The following NALF1 variants were observed in gnomAD, a reference collection of about 807,000 sequenced individuals.
NALF1 encodes the protein NALCN channel auxiliary factor 1, also known as family with sequence similarity 155 member A.
A neutral mutation model predicts 48.4 loss-of-function variants in NALF1; 3 were observed. That is an observed-to-expected ratio of 0.06 (90% CI 0.03 to 0.16). The LOEUF (loss-of-function observed/expected upper bound fraction) is 0.16, where lower values mean the gene tolerates loss of function less well. Among genes scored for constraint, NALF1 ranks in the 10% least tolerant of loss-of-function variants. The pLI is 1.00. For missense variants in NALF1, 526 were observed against 571.5 expected, an observed-to-expected ratio of 0.92 and a Z score of 0.81; for synonymous variants, 262 against 245.7, an observed-to-expected ratio of 1.07 and a Z score of -0.62.
chr13:107,242,747 G>A (rs899790243), intron 1 of NALF1, among the ~76,000 whole-genome samples: 4 of 152,046 alleles, frequency 2.6e-5, no homozygotes, highest in African/African-American at 4.8e-5. Flanking sequence ...CTCTTTAGGT[G>A]AGAGACAAGT....
intron 1 of NALF1, among the ~76,000 whole-genome samples, chr13:107,223,819 C>A (rs1880043338): frequency 6.6e-6 from 1 of 152,148 alleles, no homozygotes; most frequent in Non-Finnish European, 1.5e-5. Context: ...ACACACTCTG[C>A]AAGTCTTTGA....
chr13:107,679,611 G>A (rs1186172385), intron 1 of NALF1, among the ~76,000 whole-genome samples: 1 of 152,176 alleles, frequency 6.6e-6, no homozygotes, highest in East Asian at 1.9e-4. Flanking sequence ...GACCTCCTCA[G>A]CGCCCCCCAC....
chr13:107,207,379 G>C (rs1410370699), intron 2 of NALF1, among the ~76,000 whole-genome samples: 1 of 152,176 alleles, frequency 6.6e-6, no homozygotes, highest in African/African-American at 2.4e-5. Context: ...AAAAATCCGT[G>C]TACATTTGTA....
intron 1 of NALF1, among the ~76,000 whole-genome samples, chr13:107,497,594 C>CA (rs1240815899): frequency 6.6e-6 from 1 of 152,154 alleles, no homozygotes; most frequent in African/African-American, 2.4e-5. Flanking sequence ...GATCCACATC[C>CA]AATGCTATTC....
chr13:107,801,261 G>A (rs1044026596), intron 1 of NALF1, among the ~76,000 whole-genome samples: 2 of 152,152 alleles, frequency 1.3e-5, no homozygotes, highest in Non-Finnish European at 2.9e-5. Flanking sequence ...TTAGAACACT[G>A]TCTCATAGCT....
chr13:107,758,525 T>A (rs1007630421), intron 1 of NALF1, among the ~76,000 whole-genome samples: 3 of 151,920 alleles, frequency 2.0e-5, no homozygotes, highest in African/African-American at 7.3e-5. Context: ...ATAGAGACCA[T>A]CCTGGCTAAC....
intron 2 of NALF1, 94 bp downstream of exon 2, chr13:107,210,490 A>T: frequency 1.1e-6 from 1 of 881,126 alleles, no homozygotes; most frequent in Non-Finnish European, 1.9e-6. Flanking sequence ...CTTCAAGGTT[A>T]TATCAGTGAA....
chr13:107,822,371 C>CT (rs1199599216), intron 1 of NALF1, among the ~76,000 whole-genome samples: 2 of 151,674 alleles, frequency 1.3e-5, no homozygotes, highest in Non-Finnish European at 2.9e-5. Flanking sequence ...AGAAAACCAC[C>CT]TTTTCCACTA....
intron 1 of NALF1, among the ~76,000 whole-genome samples, chr13:107,297,539 T>A (rs1881748574): frequency 6.6e-6 from 1 of 152,106 alleles, no homozygotes; most frequent in Non-Finnish European, 1.5e-5. Flanking sequence ...AGACAGCCAG[T>A]TTCCCAAAGG....
chr13:107,756,022 C>G (rs1328064088), intron 1 of NALF1, among the ~76,000 whole-genome samples: 1 of 152,174 alleles, frequency 6.6e-6, no homozygotes, highest in Non-Finnish European at 1.5e-5. Context: ...TTCACAGTAT[C>G]TAATGAGGTC....
intron 1 of NALF1, among the ~76,000 whole-genome samples, chr13:107,322,313 T>C (rs1882272952): frequency 6.6e-6 from 1 of 152,150 alleles, no homozygotes; most frequent in South Asian, 2.1e-4. Flanking sequence ...CTGGTTAATA[T>C]ACCTTGTCAG....
chr13:107,763,371 G>C (rs960747493), intron 1 of NALF1, among the ~76,000 whole-genome samples: 1 of 148,850 alleles, frequency 6.7e-6, no homozygotes, highest in Non-Finnish European at 1.5e-5. Flanking sequence ...AAAATATTTA[G>C]TTGTCCTGTT....
At position 107,760,674 on chromosome 13, in the gene NALF1, C is replaced by T. The variant is rs113089294; in HGVS notation, c.915+105008G>A. On this transcript the variant is annotated intron_variant, in intron 1 of 2. Coordinates refer to ENST00000375915, the MANE Select transcript of NALF1 (RefSeq NM_001080396.3). ...ACATGGTATCAATGATATGTCCACA[C>T]CTTTAAAGTTTTAAATGTTACTCAA... 5.3e-5 allele frequency among the ~76,000 whole-genome samples: 8 copies of T among 152,262 alleles called. 1 individual carries two copies. Among genetic ancestry groups the T allele is most frequent in the African/African-American group, 1.7e-4 (7 of 41,556 alleles).
At chr13:107,582,345 G>A (rs4628818) in intron 1 of NALF1, among the ~76,000 whole-genome samples, 79,817 of 151,476 alleles carry the variant, frequency 0.53, 21,668 homozygotes, top group African/African-American at 0.63. Context: ...TAACAAACAT[G>A]ACAGTGACGC....
At chr13:107,625,971 A>T (rs1240495691) in intron 1 of NALF1, among the ~76,000 whole-genome samples, 1 of 152,070 alleles carries the variant, frequency 6.6e-6, no homozygotes, top group Non-Finnish European at 1.5e-5. Flanking sequence ...TACTGAGGGC[A>T]TTTGCTGGGC....
chr13:107,323,598 C>A (rs1380894838), intron 1 of NALF1, among the ~76,000 whole-genome samples: 1 of 151,910 alleles, frequency 6.6e-6, no homozygotes, highest in Admixed American at 6.6e-5. Flanking sequence ...TACTCACTTA[C>A]CCCCAATCAG....
Position 107,866,405 on chromosome 13 carries a change from C to A in NALF1, c.192G>T (p.Leu64=). The A allele has an allele frequency of 6.2e-7, 1 of 1,614,010 alleles. No individual in the cohort carries two copies. The highest frequency in any genetic ancestry group is 8.5e-7 in the Non-Finnish European group (1 of 1,180,014). ...DHLWFCAEAK[L]TRARDKEHQQ... Reference sequence around the variant, plus strand: ...GGTGCTCCTTGTCCCGGGCCCGGGTCAGCTTGGCCTCGGCGCAGAACCACA... The same window carrying A: ...GGTGCTCCTTGTCCCGGGCCCGGGTAAGCTTGGCCTCGGCGCAGAACCACA... The change falls in exon 1 of 3, where the codon CTG becomes CTT. Residue 64 remains leucine, a synonymous_variant. Coordinates refer to ENST00000375915, the MANE Select transcript of NALF1 (RefSeq NM_001080396.3). This position sits in a 1 kb window ranked among gnomAD's most constrained non-coding sequence, Gnocchi z 4.4.
At chr13:107,647,199 C>T (rs1011160738) in intron 1 of NALF1, among the ~76,000 whole-genome samples, 3 of 151,642 alleles carry the variant, frequency 2.0e-5, no homozygotes, top group African/African-American at 7.3e-5. Flanking sequence ...GAAAACAAAA[C>T]GAAAATGGAA....
At chr13:107,253,322 G>A (rs1880742434) in intron 1 of NALF1, among the ~76,000 whole-genome samples, 1 of 152,084 alleles carries the variant, frequency 6.6e-6, no homozygotes, top group South Asian at 2.1e-4. Context: ...TGGCCAGGAG[G>A]TCTTTCCTAA....
Sources: allele counts gnomAD v4.1 joint callset (sites outside exome capture counted in the v4.1 genomes callset), GRCh38; gene constraint gnomAD v4.1.1; non-coding constraint Gnocchi (gnomAD v3.1); transcripts MANE v1.5; gene names NCBI Gene and HGNC (gene_info 2026-07-23, HGNC 2026-07-21).